Variants in CDH13 observed in about 807,000 individuals in gnomAD.
CDH13 encodes the protein cadherin 13.
In CDH13, 24 loss-of-function variants were observed where a neutral mutation model predicts 63.8. The observed-to-expected ratio is 0.38, with a 90% CI of 0.27 to 0.53. CDH13 has a LOEUF of 0.53. Ranked by LOEUF, CDH13 falls within the 20% of genes least tolerant of loss-of-function variation. CDH13 has a pLI of 0.85. For synonymous variants in CDH13, 503 were observed against 355.3 expected, an observed-to-expected ratio of 1.42 and a Z score of -4.67; for missense variants, 1,049 against 903.1, an observed-to-expected ratio of 1.16 and a Z score of -2.07.
At chr16:82,863,062 T>C (rs2040001908) in intron 2 of CDH13, among the ~76,000 whole-genome samples, 1 of 152,206 alleles carries the variant, frequency 6.6e-6, no homozygotes, top group Admixed American at 6.5e-5. Flanking sequence ...CAAAGGAGTC[T>C]GGCAAACGTA....
At chr16:83,522,622 A>T (rs2074867022) in intron 7 of CDH13, among the ~76,000 whole-genome samples, 1 of 152,214 alleles carries the variant, frequency 6.6e-6, no homozygotes, top group African/African-American at 2.4e-5. Context: ...AAGCACAGCA[A>T]AGTTGCCGAG....
intron 5 of CDH13, among the ~76,000 whole-genome samples, chr16:83,242,034 A>C (rs922228930): frequency 1.3e-5 from 2 of 152,158 alleles, no homozygotes; most frequent in African/African-American, 4.8e-5. Context: ...GTAAGGGTCT[A>C]AGTTCAGTTT....
chr16:83,231,261 C>T (rs909832028), intron 5 of CDH13, among the ~76,000 whole-genome samples: 7 of 152,136 alleles, frequency 4.6e-5, no homozygotes, highest in African/African-American at 1.7e-4. Flanking sequence ...TGCCGGTACC[C>T]TGGGGTGATG....
chr16:83,038,610 C>T (rs1567770665), intron 3 of CDH13, among the ~76,000 whole-genome samples: 1 of 152,148 alleles, frequency 6.6e-6, no homozygotes, highest in Non-Finnish European at 1.5e-5. Flanking sequence ...TCTCATGGCC[C>T]AACAAGGATG....
chr16:82,920,420 C>T (rs1419992991), intron 2 of CDH13, among the ~76,000 whole-genome samples: 2 of 152,186 alleles, frequency 1.3e-5, no homozygotes, highest in African/African-American at 2.4e-5. Context: ...GAATATGGGT[C>T]CTGTGCTCGT....
intron 2 of CDH13, among the ~76,000 whole-genome samples, chr16:82,906,703 A>G (rs1295344319): frequency 6.6e-6 from 1 of 152,158 alleles, no homozygotes; most frequent in Non-Finnish European, 1.5e-5. Context: ...TTAGAATTCC[A>G]TATTCATGGT....
chr16:83,287,752 A>G (rs140322723), intron 5 of CDH13, among the ~76,000 whole-genome samples: 1 of 152,174 alleles, frequency 6.6e-6, no homozygotes, highest in Non-Finnish European at 1.5e-5. Flanking sequence ...ATCATCCCCA[A>G]GTCATCCCCT....
At chr16:83,096,553 T>C (rs1276128593) in intron 3 of CDH13, among the ~76,000 whole-genome samples, 3 of 152,234 alleles carry the variant, frequency 2.0e-5, no homozygotes, top group Admixed American at 6.5e-5. Context: ...CCACCACGAC[T>C]CATGATTTCA....
At chr16:83,241,061 G>T (rs1904397257) in intron 5 of CDH13, among the ~76,000 whole-genome samples, 2 of 152,122 alleles carry the variant, frequency 1.3e-5, no homozygotes, top group African/African-American at 4.8e-5. Flanking sequence ...TAGATACTTT[G>T]AATGTGTGGA....
intron 2 of CDH13, among the ~76,000 whole-genome samples, chr16:83,002,815 G>T (rs1040368602): frequency 2.6e-5 from 4 of 152,152 alleles, no homozygotes; most frequent in African/African-American, 9.7e-5. Context: ...AAACTGCAAA[G>T]GCCGTGACAC....
chr16:83,767,434 G>A (rs1914469943), intron 11 of CDH13, among the ~76,000 whole-genome samples: 1 of 152,208 alleles, frequency 6.6e-6, no homozygotes, highest in Admixed American at 6.5e-5. Flanking sequence ...TGTAAGTTGT[G>A]ACTTTGCTTC....
At chr16:82,714,746 A>G (rs1305624105) in intron 1 of CDH13, among the ~76,000 whole-genome samples, 1 of 139,274 alleles carries the variant, frequency 7.2e-6, no homozygotes, top group Non-Finnish European at 1.6e-5. Context: ...AAAAGACACA[A>G]CGACACACAG....
At chr16:83,433,033 C>CTT (rs1280390267) in intron 6 of CDH13, among the ~76,000 whole-genome samples, 1 of 152,168 alleles carries the variant, frequency 6.6e-6, no homozygotes, top group African/African-American at 2.4e-5. Context: ...TGGGGTAGAA[C>CTT]TTTCCAGCTC....
chr16:82,682,106 A>G (rs952817264), intron 1 of CDH13, among the ~76,000 whole-genome samples: 6 of 152,248 alleles, frequency 3.9e-5, no homozygotes, highest in Non-Finnish European at 7.3e-5. Context: ...TAAAATGTGT[A>G]TGAGAAGACA....
intron 5 of CDH13, among the ~76,000 whole-genome samples, chr16:83,272,776 G>A (rs376922911): frequency 6.6e-6 from 1 of 152,198 alleles, no homozygotes; most frequent in African/African-American, 2.4e-5. Flanking sequence ...AGGCAGAGCT[G>A]TGGCAGAGTC....
chr16:82,704,752 G>A (rs1171072552), intron 1 of CDH13, among the ~76,000 whole-genome samples: 2 of 152,146 alleles, frequency 1.3e-5, no homozygotes, highest in African/African-American at 4.8e-5. Flanking sequence ...TTTGCACTAA[G>A]CCTCCTGAAT....
At chr16:82,931,513 C>CT (rs11442675) in intron 2 of CDH13, among the ~76,000 whole-genome samples, 55,810 of 144,254 alleles carry the variant, frequency 0.39, 10,863 homozygotes, top group African/African-American at 0.48. Context: ...AGGTCCCCCC[C>CT]TTTTTTTTTT....
intron 1 of CDH13, among the ~76,000 whole-genome samples, chr16:82,794,108 A>C (rs1412024474): frequency 6.6e-6 from 1 of 151,946 alleles, no homozygotes; most frequent in African/African-American, 2.4e-5. Context: ...ATGACTTTGA[A>C]TGAGGCCCAA....
intron 3 of CDH13, among the ~76,000 whole-genome samples, chr16:83,048,949 G>A (rs934852503): frequency 2.6e-5 from 4 of 152,092 alleles, no homozygotes; most frequent in South Asian, 4.2e-4. Context: ...TTAATACTCC[G>A]AAATGGAGCT....
Sources: allele counts gnomAD v4.1 joint callset (sites outside exome capture counted in the v4.1 genomes callset), GRCh38; gene constraint gnomAD v4.1.1; transcripts MANE v1.5; gene names NCBI Gene and HGNC (gene_info 2026-07-23, HGNC 2026-07-21).